COL4A4: variants seen among roughly 807,000 people sequenced by gnomAD.
COL4A4 encodes collagen type IV alpha 4 chain.
A neutral mutation model predicts 192.9 loss-of-function variants in COL4A4; 105 were observed. The ratio of observed to expected loss-of-function variants is 0.54; its 90% CI spans 0.46 to 0.64. The LOEUF is 0.64. Among genes scored for constraint, COL4A4 ranks in the 30% least tolerant of loss-of-function variants. The probability of loss-of-function intolerance (pLI) is 0.00; values close to 1 mark genes in which losing one functional copy is unlikely to be tolerated. For missense variants in COL4A4, 1,967 were observed against 2,169.3 expected (o/e 0.91, Z 1.85); for synonymous variants, 762 against 769.9 (o/e 0.99, Z 0.17).
At position 227,045,815 on chromosome 2, in the gene COL4A4, T is replaced by TAC. The variant is rs1343840130; in HGVS notation, c.3289+1658_3289+1659dup. Among the ~76,000 whole-genome samples, 14 of 52,220 alleles carry TAC rather than the reference T, an allele frequency of 2.7e-4. 3 individuals are homozygous for TAC. Among genetic ancestry groups the TAC allele is most frequent in the Non-Finnish European group, 3.6e-4 (11 of 30,746 alleles). 34.3% of individuals were successfully genotyped at this position (52,220 alleles called of 152,430 possible). On this transcript the variant is annotated intron_variant, in intron 35 of 47. Transcript: ENST00000396625. The stretch of plus-strand genomic sequence containing the variant: ...ATATATATACACATATATATATATA[T>TAC]ACACATATATATATATACACACATA...
chr2:227,042,004 A>G (rs1317456113), intron 37 of COL4A4, 144 bp downstream of exon 37: 1 of 714,952 alleles, frequency 1.4e-6, no homozygotes, highest in South Asian at 1.5e-5. Context: ...TGGCTAAGGA[A>G]GAGTAGGAAG....
downstream of COL4A4, among the ~76,000 whole-genome samples, chr2:227,000,894 C>A (rs1181699247): frequency 6.6e-6 from 1 of 152,102 alleles, no homozygotes; most frequent in African/African-American, 2.4e-5. Context: ...CTTCCCTGCA[C>A]AAGCTCTCTT....
chr2:227,154,288 G>A (rs1230040720), intron 1 of COL4A4, among the ~76,000 whole-genome samples: 2 of 152,112 alleles, frequency 1.3e-5, no homozygotes, highest in Admixed American at 6.6e-5. Context: ...ACAGGTTTGG[G>A]AACAAGATCT....
At chr2:227,017,720 G>A (rs1274853510) in intron 44 of COL4A4, among the ~76,000 whole-genome samples, 1 of 152,150 alleles carries the variant, frequency 6.6e-6, no homozygotes, top group Non-Finnish European at 1.5e-5. Context: ...CCAGAAGTTT[G>A]TTCATTTTTA....
chr2:227,010,072 GATA>G lies in COL4A4; in HGVS notation c.4522+238_4522+240del, dbSNP rs546757342. On this transcript the variant is annotated intron_variant, in intron 46 of 47. Transcript: ENST00000396625. ...CTAATAATATACTTATTATTAGCCA[GATA>G]ATAATAATATACTTATTATAGCCAG... Among the ~76,000 whole-genome samples, 509 of 152,170 alleles carry G rather than the reference GATA, an allele frequency of 3.3e-3. 2 individuals are homozygous for G. The highest frequency in any genetic ancestry group is 0.01 in the Middle Eastern group (3 of 294).
downstream of COL4A4, among the ~76,000 whole-genome samples, chr2:227,001,164 A>G (rs12105367): frequency 0.5 from 75,220 of 150,704 alleles, 19,680 homozygotes; most frequent in African/African-American, 0.67. Context: ...GTACGATCTT[A>G]GCTCACTGCA....
At chr2:227,128,818 G>A (rs530964242) in intron 4 of COL4A4, among the ~76,000 whole-genome samples, 50 of 152,160 alleles carry the variant, frequency 3.3e-4, no homozygotes, top group Admixed American at 5.9e-4. Flanking sequence ...ACTGCCCCAT[G>A]CAACCGTCAA....
At chr2:227,114,423 G>A (rs2061378733) in intron 8 of COL4A4, 2 of 665,166 alleles carry the variant, frequency 3.0e-6, no homozygotes, top group East Asian at 5.5e-5. Context: ...AGAAGTAATG[G>A]AATTTTACAG....
chr2:227,021,369 C>T (rs1465993323), intron 44 of COL4A4, among the ~76,000 whole-genome samples: 5 of 152,102 alleles, frequency 3.3e-5, no homozygotes, highest in African/African-American at 7.2e-5. Flanking sequence ...GCTCTGTTTC[C>T]GCTCCACCAA....
At chr2:227,155,717 C>T (rs559245004) in intron 1 of COL4A4, among the ~76,000 whole-genome samples, 8 of 152,238 alleles carry the variant, frequency 5.3e-5, no homozygotes, top group African/African-American at 1.9e-4. Context: ...GATGACTTCT[C>T]ACCTCTGCTG....
chr2:227,100,589 A>G (rs966673158), intron 17 of COL4A4, among the ~76,000 whole-genome samples: 10 of 152,154 alleles, frequency 6.6e-5, no homozygotes, highest in African/African-American at 2.4e-4. Context: ...TGCAAATACT[A>G]CATCATTTTA....
chr2:227,060,288 C>G (rs904932012), intron 26 of COL4A4, 45 bp from the exon 27 acceptor site: 9 of 1,267,468 alleles, frequency 7.1e-6, no homozygotes, highest in Non-Finnish European at 1.0e-5. Flanking sequence ...AAAACAAAAT[C>G]TAATGTGAAC....
intron 2 of COL4A4, among the ~76,000 whole-genome samples, chr2:227,146,398 T>C (rs1470105142): frequency 6.6e-6 from 1 of 152,188 alleles, no homozygotes; most frequent in Non-Finnish European, 1.5e-5. Flanking sequence ...CTTCACTTCT[T>C]TCACTCCCCG....
chr2:227,000,928 C>T (rs572033445), downstream of COL4A4, among the ~76,000 whole-genome samples: 8 of 152,232 alleles, frequency 5.3e-5, no homozygotes, highest in South Asian at 6.2e-4. Context: ...CCATGTGAGA[C>T]GTGCCTTTCA....
intron 19 of COL4A4, among the ~76,000 whole-genome samples, chr2:227,095,184 T>G (rs937118858): frequency 2.0e-5 from 3 of 152,250 alleles, no homozygotes; most frequent in Non-Finnish European, 4.4e-5. Flanking sequence ...TCAATCTTTC[T>G]ACCTTGATAA....
At chr2:227,023,370 G>A (rs1437071489) in intron 43 of COL4A4, among the ~76,000 whole-genome samples, 1 of 150,866 alleles carries the variant, frequency 6.6e-6, no homozygotes, top group African/African-American at 2.4e-5. Context: ...TGGAACCCAG[G>A]AGACAGAGGT....
At position 227,005,768 on chromosome 2, in the gene COL4A4, G is replaced by A. The variant is rs978332093; in HGVS notation, c.*1557C>T. ...TTATTTTTAAGTGCACGGAAACAAA[G>A]CACTAAAATGAGTGTCACGCTCATG... On this transcript the variant is annotated 3_prime_UTR_variant, in exon 48 of 48. Transcript: ENST00000396625. 1.3e-5 allele frequency: 2 copies of A among 152,110 alleles called. No homozygotes were observed. The highest frequency in any genetic ancestry group is 4.8e-5 in the African/African-American group (2 of 41,408). 9.4% of individuals were successfully genotyped at this position (152,110 alleles called of 1,614,324 possible).
downstream of COL4A4, among the ~76,000 whole-genome samples, chr2:227,001,190 G>A (rs1960880252): frequency 2.0e-5 from 3 of 152,004 alleles, no homozygotes; most frequent in African/African-American, 7.2e-5. Context: ...CACCTCCCAG[G>A]TTGATGCCAT....
chr2:227,153,049 T>C (rs2064070291), intron 1 of COL4A4, among the ~76,000 whole-genome samples: 1 of 152,176 alleles, frequency 6.6e-6, no homozygotes, highest in South Asian at 2.1e-4. Flanking sequence ...AGTTATATCT[T>C]ACATGGTGGC....
Sources: gnomAD v4.1 joint callset for allele counts (sites outside exome capture counted in the v4.1 genomes callset) on GRCh38, gnomAD v4.1.1 for gene constraint, MANE v1.5 for transcripts, NCBI Gene and HGNC (gene_info 2026-07-23, HGNC 2026-07-21) for gene names.